The following KCNT2 variants were observed in gnomAD, a reference collection of about 807,000 sequenced individuals.
The protein encoded by KCNT2 is potassium channel subfamily T member 2.
Under a neutral mutation model 153.8 loss-of-function variants are expected in KCNT2, and 67 were observed. The observed-to-expected ratio is 0.44, with a 90% CI of 0.36 to 0.53. The LOEUF is 0.53. Ranked by LOEUF, KCNT2 falls within the 20% of genes least tolerant of loss-of-function variation. The pLI is 0.00. For missense variants in KCNT2, 975 were observed against 1,354.8 expected, an observed-to-expected ratio of 0.72 and a Z score of 4.40; for synonymous variants, 500 against 458.8, an observed-to-expected ratio of 1.09 and a Z score of -1.15.
At chr1:196,505,640 T>A (rs1681070829) in intron 1 of KCNT2, among the ~76,000 whole-genome samples, 1 of 152,142 alleles carries the variant, frequency 6.6e-6, no homozygotes, top group Non-Finnish European at 1.5e-5. Context: ...GGTAGCTTGA[T>A]GGGGATGGCA....
intron 14 of KCNT2, among the ~76,000 whole-genome samples, chr1:196,358,563 T>C (rs1399563235): frequency 2.6e-5 from 4 of 151,986 alleles, no homozygotes; most frequent in Non-Finnish European, 5.9e-5. Flanking sequence ...TTATTGTTTA[T>C]ACTACTCTAC....
In KCNT2 at chr1:196,489,895, C is replaced by T. The variant is rs761091487; in HGVS notation, c.218G>A (p.Ser73Asn). ...TACTCGGATTATGTATAATAAGCAG[C>T]TTAGTAATTTGAGAGAAAAATTGAA... Reference protein sequence around the residue: ...RLFNFSLKLLSCLLYIIRVLL... With the variant: ...RLFNFSLKLLNCLLYIIRVLL... Residue 73 changes from serine (S) to asparagine (N), a missense_variant, in exon 3 of 28, where the codon AGC (serine) becomes AAC (asparagine). Around this residue, in one of 6 missense-constraint regions of KCNT2, gnomAD observed 140 missense variants for 216.0 expected, o/e 0.65. Transcript: ENST00000294725. 1 of 1,589,378 alleles carries T rather than the reference C, an allele frequency of 6.3e-7. No homozygotes were observed. Among genetic ancestry groups the T allele is most frequent in the South Asian group, 1.2e-5 (1 of 86,524 alleles).
intron 8 of KCNT2, among the ~76,000 whole-genome samples, chr1:196,450,545 A>G (rs1376140524): frequency 6.6e-6 from 1 of 151,884 alleles, no homozygotes; most frequent in Non-Finnish European, 1.5e-5. Flanking sequence ...ACAGTTTTCC[A>G]GATTACAAAC....
rs111387594 is a variant in KCNT2 at position 196,277,960 on chromosome 1, A to T, written c.2910+2900T>A. On this transcript the variant is annotated intron_variant, in intron 25 of 27. Coordinates refer to ENST00000294725, the MANE Select transcript of KCNT2 (RefSeq NM_198503.5). ...TTTTAGTTAAAGATTAATGTAAGAGATATGCACTTTAATGGTATTTTTTTC... is the reference window on the plus strand; with the variant it reads ...TTTTAGTTAAAGATTAATGTAAGAGTTATGCACTTTAATGGTATTTTTTTC... Among the ~76,000 whole-genome samples, 790 of 152,242 alleles carry T rather than the reference A, an allele frequency of 5.2e-3. 9 individuals are homozygous for T. The highest frequency in any genetic ancestry group is 0.018 in the African/African-American group (743 of 41,546).
intron 1 of KCNT2, among the ~76,000 whole-genome samples, chr1:196,562,679 C>T (rs1334481329): frequency 2.0e-5 from 3 of 150,542 alleles, no homozygotes; most frequent in Admixed American, 2.0e-4. Context: ...GAATTGATTA[C>T]TACAGTAAGG....
intron 1 of KCNT2, among the ~76,000 whole-genome samples, chr1:196,584,146 T>C (rs1228048962): frequency 2.6e-5 from 1 of 38,864 alleles, no homozygotes; most frequent in Non-Finnish European, 6.6e-5. Context: ...GCGAAAACAA[T>C]GATACTAGCA....
chr1:196,596,052 ATGTG>A (rs539625001), intron 1 of KCNT2, among the ~76,000 whole-genome samples: 1 of 9,804 alleles, frequency 1.0e-4, no homozygotes, highest in African/African-American at 1.2e-4. Flanking sequence ...GTATTCCATG[ATGTG>A]TATATATATA....
intron 12 of KCNT2, among the ~76,000 whole-genome samples, chr1:196,412,479 T>C (rs1175511998): frequency 6.7e-6 from 1 of 149,302 alleles, no homozygotes; most frequent in East Asian, 1.9e-4. Flanking sequence ...CTTCCTTGTA[T>C]AAAATACTAT....
rs534327354 is a variant in KCNT2, at chr1:196,387,265, T to C, written c.1294+11298A>G. Reference sequence around the variant, plus strand: ...CATTTCCTACTATCCTCTATCTTGGTGCAGCCATATTAAGTGTTTTCAGTT... The same window carrying C: ...CATTTCCTACTATCCTCTATCTTGGCGCAGCCATATTAAGTGTTTTCAGTT... On this transcript the variant is annotated intron_variant, in intron 13 of 27. Transcript: ENST00000294725. Among the ~76,000 whole-genome samples the C allele has an allele frequency of 1.1e-4, 17 of 152,172 alleles. 1 individual carries two copies. The South Asian group carries it at 3.5e-3, about 32-fold the overall frequency.
intron 8 of KCNT2, among the ~76,000 whole-genome samples, chr1:196,451,366 G>A (rs1488125470): frequency 1.4e-5 from 2 of 141,960 alleles, no homozygotes; most frequent in African/African-American, 5.2e-5. Context: ...CCAGCCTCCC[G>A]AGTAGCTGGA....
intron 1 of KCNT2, among the ~76,000 whole-genome samples, chr1:196,606,084 G>A (rs567461047): frequency 6.6e-6 from 1 of 152,310 alleles, no homozygotes; most frequent in Admixed American, 6.5e-5. Flanking sequence ...AACTAAGAAA[G>A]AACATACCGC....
At chr1:196,358,839 A>G (rs902509596) in intron 14 of KCNT2, among the ~76,000 whole-genome samples, 2 of 151,958 alleles carry the variant, frequency 1.3e-5, no homozygotes, top group Non-Finnish European at 2.9e-5. Context: ...ATATTCAGCA[A>G]ATAACAAGAG....
At chr1:196,535,573 C>T (rs1433257433) in intron 1 of KCNT2, among the ~76,000 whole-genome samples, 1 of 152,018 alleles carries the variant, frequency 6.6e-6, no homozygotes, top group Non-Finnish European at 1.5e-5. Flanking sequence ...ATTTTTATAA[C>T]CTTGGTTTTA....
At chr1:196,361,918 T>TGTGA (rs1328445962) in intron 14 of KCNT2, among the ~76,000 whole-genome samples, 1 of 151,554 alleles carries the variant, frequency 6.6e-6, no homozygotes, top group Non-Finnish European at 1.5e-5. Context: ...AGTGTGAGTG[T>TGTGA]GTGTGTGTGT....
intron 26 of KCNT2, among the ~76,000 whole-genome samples, chr1:196,240,109 G>A (rs574397323): frequency 5.9e-4 from 90 of 152,096 alleles, no homozygotes; most frequent in Admixed American, 2.6e-3. Context: ...CCTAGTACAC[G>A]AATATAACTT....
At chr1:196,526,540 G>A (rs765932526) in intron 1 of KCNT2, among the ~76,000 whole-genome samples, 84 of 151,060 alleles carry the variant, frequency 5.6e-4, no homozygotes, top group Non-Finnish European at 1.0e-3. Flanking sequence ...TACAACCTCC[G>A]CCTCCCAGGT....
intron 3 of KCNT2, among the ~76,000 whole-genome samples, chr1:196,486,614 A>G (rs937102132): frequency 6.6e-6 from 1 of 151,900 alleles, no homozygotes; most frequent in Non-Finnish European, 1.5e-5. Flanking sequence ...CAGAAGAACA[A>G]AGCATTTGAA....
chr1:196,273,636 G>T (rs1290583496), intron 25 of KCNT2: 2 of 558,710 alleles, frequency 3.6e-6, no homozygotes, highest in Non-Finnish European at 6.4e-6. Flanking sequence ...TTCTCGTATG[G>T]CTTTTGAACA....
intron 14 of KCNT2, among the ~76,000 whole-genome samples, chr1:196,356,998 G>A (rs1449855028): frequency 3.3e-5 from 5 of 151,796 alleles, no homozygotes; most frequent in African/African-American, 7.2e-5. Flanking sequence ...TTAAAATTAT[G>A]TTTCACTAAC....
Sources: allele counts gnomAD v4.1 joint callset (sites outside exome capture counted in the v4.1 genomes callset), GRCh38; gene constraint gnomAD v4.1.1; regional missense constraint gnomAD v4.1.1; transcripts MANE v1.5; gene names NCBI Gene and HGNC (gene_info 2026-07-23, HGNC 2026-07-21).